KASH5: variants seen among roughly 807,000 people sequenced by gnomAD.
KASH5 encodes the protein protein KASH5.
Under a neutral mutation model 84.2 loss-of-function variants are expected in KASH5, and 72 were observed. That is an observed-to-expected ratio of 0.85 (90% CI 0.71 to 1.04). The LOEUF is 1.04. Ranked by LOEUF, KASH5 falls within the 50% of genes least tolerant of loss-of-function variation. The probability of loss-of-function intolerance (pLI) is 0.00; values close to 1 mark genes in which losing one functional copy is unlikely to be tolerated. For synonymous variants in KASH5, 260 were observed against 279.1 expected, an observed-to-expected ratio of 0.93 and a Z score of 0.68; for missense variants, 650 against 701.0, an observed-to-expected ratio of 0.93 and a Z score of 0.82.
Position 49,395,973 on chromosome 19 carries a change from G to C in KASH5, c.400+140G>C. The C allele has an allele frequency of 1.5e-6, 1 of 669,794 alleles. No homozygotes were observed. Among genetic ancestry groups the C allele is most frequent in the Non-Finnish European group, 2.6e-6 (1 of 387,438 alleles). The allele number at this position is 669,794 out of a possible 1,614,324, so 41.5% of individuals were successfully genotyped here. On this transcript the variant is annotated intron_variant, in intron 5 of 19. Transcript: ENST00000447857. The surrounding 1 kb of genome is among the most constrained non-coding windows in gnomAD (Gnocchi z 4.4). ...CTAGAGCTGTGAGTGTGGCTTTCTA[G>C]GTCCTCCGTCCCTTCCTTCCGTGAG... is the stretch of plus-strand genomic sequence containing the variant.
chr19:49,405,222 C>T (rs1484490444), intron 9 of KASH5, among the ~76,000 whole-genome samples: 1 of 151,476 alleles, frequency 6.6e-6, no homozygotes, highest in Non-Finnish European at 1.5e-5. Context: ...TTTGGGAGAC[C>T]AAGAAGGGTG....
intron 16 of KASH5, among the ~76,000 whole-genome samples, chr19:49,413,834 TC>T (rs1974805693): frequency 6.6e-6 from 1 of 151,900 alleles, no homozygotes; most frequent in Non-Finnish European, 1.5e-5. Context: ...AGGGGTTGGG[TC>T]CCAAGTAGAA....
intron 9 of KASH5, among the ~76,000 whole-genome samples, chr19:49,404,205 G>C (rs8113231): frequency 6.6e-6 from 1 of 151,904 alleles, no homozygotes; most frequent in Non-Finnish European, 1.5e-5. Context: ...CTGGCTGGAG[G>C]GAGGGAGAGG....
chr19:49,411,551 C>T (rs1238748123), intron 15 of KASH5, among the ~76,000 whole-genome samples: 1 of 152,182 alleles, frequency 6.6e-6, no homozygotes, highest in East Asian at 1.9e-4. Context: ...GACAGAGCCT[C>T]ATCCCTCAGA....
At position 49,412,268 on chromosome 19, in the gene KASH5, G is replaced by A. The variant is rs1213399927; in HGVS notation, c.1270-700G>A. 6.6e-6 allele frequency among the ~76,000 whole-genome samples: 1 copy of A among 152,144 alleles called. No homozygotes were observed. The highest frequency in any genetic ancestry group is 1.5e-5 in the Non-Finnish European group (1 of 68,018). On this transcript the variant is annotated intron_variant, in intron 15 of 19. Coordinates refer to ENST00000447857, the MANE Select transcript of KASH5 (RefSeq NM_144688.5). This position sits in a 1 kb window ranked among gnomAD's most constrained non-coding sequence, Gnocchi z 4.6. ...GGTGATGAAGCCTGAGCCAGGCCAG[G>A]GCCCTAGGGATGGAGGAAAAGGGAC...
At chr19:49,394,841 C>T (rs997174162) in intron 3 of KASH5, 13 of 587,236 alleles carry the variant, frequency 2.2e-5, no homozygotes, top group African/African-American at 1.9e-4. Flanking sequence ...GAGGCAGCCA[C>T]CATGGTGGCG....
chr19:49,390,771 T>C lies in KASH5; in HGVS notation c.-95-18T>C, dbSNP rs57104627. The C allele has an allele frequency of 0.51, 628,077 of 1,243,392 alleles. 160,567 individuals carry two copies. The highest frequency in any genetic ancestry group is 0.62 in the South Asian group (38,167 of 61,926). The allele number at this position is 1,243,392 out of a possible 1,614,324, so 77.0% of individuals were successfully genotyped here. A position where few individuals can be genotyped will look rare whatever the true frequency, so the allele number is the denominator to read the frequency against. On this transcript the variant is annotated intron_variant, in intron 1 of 19. Coordinates refer to ENST00000447857, the MANE Select transcript of KASH5 (RefSeq NM_144688.5). ...TGGTGGCTGCTCTGAGGACACCATT[T>C]CCTGCTTCTCCTTCCAGGAGTGCTC...
intron 17 of KASH5, 147 bp downstream of exon 17, chr19:49,415,143 C>T (rs910554498): frequency 6.2e-6 from 5 of 803,556 alleles, no homozygotes; most frequent in Admixed American, 2.2e-5. Flanking sequence ...GATAACAAGG[C>T]CTTTGCTGTA....
In KASH5 at chr19:49,417,569, C is replaced by T; in HGVS notation, c.*59C>T. The T allele has an allele frequency of 1.4e-6, 2 of 1,457,220 alleles. No individual in the cohort carries two copies. The highest frequency in any genetic ancestry group is 1.8e-6 in the Non-Finnish European group (2 of 1,100,288). 90.3% of individuals were successfully genotyped at this position (1,457,220 alleles called of 1,614,324 possible). On this transcript the variant is annotated 3_prime_UTR_variant, in exon 20 of 20. Coordinates refer to ENST00000447857, the MANE Select transcript of KASH5 (RefSeq NM_144688.5). This position sits in a 1 kb window ranked among gnomAD's most constrained non-coding sequence, Gnocchi z 5.2. ...CTCAATAAATCCCCTGGCCCTCTCT[C>T]CACTGGGATCCCCATTGTTAGTCCA...
chr19:49,409,080 G>A, intron 13 of KASH5, 49 bp downstream of exon 13: 1 of 1,575,972 alleles, frequency 6.3e-7, no homozygotes, highest in Non-Finnish European at 8.6e-7. Context: ...GAGCCTAAGG[G>A]CAGGGACACC....
chr19:49,414,699 G>A lies in KASH5; in HGVS notation c.1329-252G>A, dbSNP rs4801797. Among the ~76,000 whole-genome samples, 32,996 of 140,174 alleles carry A rather than the reference G, an allele frequency of 0.24. 605 individuals carry two copies. Among genetic ancestry groups the A allele is most frequent in the South Asian group, 0.36 (1,470 of 4,106 alleles). 92.0% of individuals were successfully genotyped at this position (140,174 alleles called of 152,430 possible). A position where few individuals can be genotyped will look rare whatever the true frequency, so the allele number is the denominator to read the frequency against. ...CCCCCCAGGCCCGTCCGTGCTGCCT[G>A]GCCTCCCCCAGGCCCGTCCGTGCTG... On this transcript the variant is annotated intron_variant, in intron 16 of 19. Transcript: ENST00000447857. This position sits in a 1 kb window ranked among gnomAD's most constrained non-coding sequence, Gnocchi z 4.5.
chr19:49,398,265 C>G (rs1974250341), intron 7 of KASH5, 122 bp downstream of exon 7: 1 of 794,238 alleles, frequency 1.3e-6, no homozygotes, highest in South Asian at 2.1e-5. Flanking sequence ...CCTGTCCTTT[C>G]TTTTCCCTTT....
chr19:49,392,756 A>T (rs1295554656), intron 2 of KASH5, among the ~76,000 whole-genome samples: 1 of 152,146 alleles, frequency 6.6e-6, no homozygotes, highest in Admixed American at 6.5e-5. Flanking sequence ...TACTAAAAAT[A>T]CAAAAATTAG....
chr19:49,403,717 T>G (rs573697801), intron 9 of KASH5, among the ~76,000 whole-genome samples: 159 of 151,722 alleles, frequency 1.0e-3, no homozygotes, highest in African/African-American at 3.8e-3. Flanking sequence ...GCAGAAGGAG[T>G]AAGCAGGGTA....
At chr19:49,413,128 T>C in intron 16 of KASH5, 102 bp downstream of exon 16, 1 of 1,147,084 alleles carries the variant, frequency 8.7e-7, no homozygotes, top group East Asian at 2.4e-5. Context: ...CATTCATTCA[T>C]TCACTCCTTC....
chr19:49,406,125 G>C (rs1354546314), intron 9 of KASH5, among the ~76,000 whole-genome samples: 1 of 117,538 alleles, frequency 8.5e-6, no homozygotes. Flanking sequence ...CAAAACTCTG[G>C]CTCAAAAAAA....
chr19:49,409,785 C>A lies in KASH5; in HGVS notation c.1179C>A (p.Asn393Lys), dbSNP rs199790385. ...KQEVATADLS[N>K]PLCGVWQWEE... ...AAGTGGCAACTGCTGATCTCTCCAA[C>A]CCTCTGTGTGGGGTGTGGCAGTGGG... The change falls in exon 15 of 20, where the codon AAC becomes AAA. Residue 393 changes from asparagine (N) to lysine (K), a missense_variant. By Grantham distance (94) the Asn-to-Lys change is moderately conservative (BLOSUM62 0). Coordinates refer to ENST00000447857, the MANE Select transcript of KASH5 (RefSeq NM_144688.5). 1 of 1,614,020 alleles carries A rather than the reference C, an allele frequency of 6.2e-7. No individual in the cohort carries two copies. The highest frequency in any genetic ancestry group is 2.2e-5 in the East Asian group (1 of 44,888).
chr19:49,389,110 A>C (rs1600882772), intron 1 of KASH5, among the ~76,000 whole-genome samples: 3 of 66,490 alleles, frequency 4.5e-5, no homozygotes, highest in Admixed American at 3.1e-4. Flanking sequence ...CCAGCCAGAG[A>C]CCCCCAGAAA....
intron 14 of KASH5, 125 bp downstream of exon 14, chr19:49,409,408 C>A: frequency 9.7e-7 from 1 of 1,034,046 alleles, no homozygotes; most frequent in South Asian, 1.5e-5. Context: ...CCTATCGCAA[C>A]CTTAGCTTTT....
Sources: gnomAD v4.1 joint callset for allele counts (sites outside exome capture counted in the v4.1 genomes callset) on GRCh38, gnomAD v4.1.1 for gene constraint, Gnocchi (gnomAD v3.1) non-coding constraint, MANE v1.5 for transcripts, NCBI Gene and HGNC (gene_info 2026-07-23, HGNC 2026-07-21) for gene names.